Variants in GPC6 observed in about 807,000 individuals in gnomAD.
GPC6 encodes glypican 6, also known as glypican-6.
In GPC6, 14 loss-of-function variants were observed where a neutral mutation model predicts 55.2. The ratio of observed to expected loss-of-function variants is 0.25; its 90% CI spans 0.17 to 0.40. The LOEUF (loss-of-function observed/expected upper bound fraction) is 0.40, where lower values mean the gene tolerates loss of function less well. Among genes scored for constraint, GPC6 ranks in the 10% least tolerant of loss-of-function variants. The pLI is 1.00. For synonymous variants in GPC6, 278 were observed against 259.6 expected, an observed-to-expected ratio of 1.07 and a Z score of -0.68; for missense variants, 641 against 708.5, an observed-to-expected ratio of 0.90 and a Z score of 1.08.
At chr13:94,211,986 T>C (rs1019126099) in intron 4 of GPC6, among the ~76,000 whole-genome samples, 5 of 152,202 alleles carry the variant, frequency 3.3e-5, no homozygotes, top group Non-Finnish European at 7.3e-5. Context: ...GAAGTGAACA[T>C]TAAATTCTCT....
At chr13:93,324,963 C>T (rs1205107152) in intron 1 of GPC6, among the ~76,000 whole-genome samples, 4 of 152,040 alleles carry the variant, frequency 2.6e-5, no homozygotes, top group East Asian at 1.9e-4. Context: ...CTGGAGCCAG[C>T]GTGAAACCTA....
At chr13:93,607,192 C>T (rs892820423) in intron 2 of GPC6, among the ~76,000 whole-genome samples, 6 of 152,068 alleles carry the variant, frequency 3.9e-5, no homozygotes, top group African/African-American at 9.7e-5. Flanking sequence ...AAGTCTTATT[C>T]GGATATGACA....
chr13:94,243,036 A>T (rs2139028082), intron 4 of GPC6, among the ~76,000 whole-genome samples: 1 of 152,146 alleles, frequency 6.6e-6, no homozygotes, highest in Non-Finnish European at 1.5e-5. Flanking sequence ...TATCCAAGAG[A>T]ATTGATCTCC....
intron 2 of GPC6, among the ~76,000 whole-genome samples, chr13:93,563,614 C>T (rs1875926052): frequency 6.6e-6 from 1 of 151,924 alleles, no homozygotes; most frequent in Non-Finnish European, 1.5e-5. Flanking sequence ...GAGACAGGAC[C>T]AACTGGAACT....
At chr13:93,524,642 T>A (rs746393253) in intron 1 of GPC6, among the ~76,000 whole-genome samples, 15 of 152,088 alleles carry the variant, frequency 9.9e-5, no homozygotes, top group Non-Finnish European at 1.6e-4. Context: ...TTTGAGACAC[T>A]ATTGTCAACA....
At chr13:93,824,262 C>G (rs1887156784) in intron 2 of GPC6, among the ~76,000 whole-genome samples, 3 of 152,108 alleles carry the variant, frequency 2.0e-5, no homozygotes, top group Non-Finnish European at 4.4e-5. Flanking sequence ...ATATTAAAAA[C>G]AATACTTGAG....
chr13:93,258,086 C>T (rs997451458), intron 1 of GPC6, among the ~76,000 whole-genome samples: 7 of 152,142 alleles, frequency 4.6e-5, no homozygotes, highest in Non-Finnish European at 1.0e-4. Flanking sequence ...CATCTGAATG[C>T]TCCTCTTCAG....
At chr13:93,871,137 A>G (rs2139037621) in intron 3 of GPC6, among the ~76,000 whole-genome samples, 1 of 152,014 alleles carries the variant, frequency 6.6e-6, no homozygotes, top group South Asian at 2.1e-4. Flanking sequence ...AGTATAGCCG[A>G]CAACACATGC....
chr13:94,156,410 T>C, intron 4 of GPC6, among the ~76,000 whole-genome samples: 1 of 152,124 alleles, frequency 6.6e-6, no homozygotes, highest in Admixed American at 6.6e-5. Flanking sequence ...GAGATAGATA[T>C]AAATATAATA....
chr13:94,121,796 C>T (rs889554000), intron 4 of GPC6, among the ~76,000 whole-genome samples: 12 of 152,060 alleles, frequency 7.9e-5, no homozygotes, highest in Admixed American at 6.6e-4. Context: ...CATTGCACCT[C>T]TCCAGGGTCT....
chr13:94,331,959 A>C (rs1014373768), intron 6 of GPC6, among the ~76,000 whole-genome samples: 1 of 152,294 alleles, frequency 6.6e-6, no homozygotes, highest in South Asian at 2.1e-4. Context: ...TAAGCGATGG[A>C]GAAATCTAAA....
rs556384919 is a variant in GPC6, at chr13:94,373,226, C to T, written c.1153-9188C>T. The stretch of plus-strand genomic sequence containing the variant: ...AAAGCTGGATGGAGAATGACTTTGA[C>T]GAGCTGAGAGAAGAAGGCTTCAGAC... On this transcript the variant is annotated intron_variant, in intron 6 of 8. Transcript: ENST00000377047. 1.6e-4 allele frequency among the ~76,000 whole-genome samples: 25 copies of T among 152,142 alleles called. 1 individual carries two copies. The highest frequency in any genetic ancestry group is 7.8e-4 in the East Asian group (4 of 5,160).
chr13:94,106,913 G>A (rs934053474), intron 4 of GPC6, among the ~76,000 whole-genome samples: 2 of 152,158 alleles, frequency 1.3e-5, no homozygotes, highest in Admixed American at 1.3e-4. Context: ...ACTTTGGAAA[G>A]CATAAGTAGT....
intron 4 of GPC6, among the ~76,000 whole-genome samples, chr13:94,066,083 G>T (rs930260524): frequency 1.2e-4 from 18 of 152,158 alleles, no homozygotes; most frequent in African/African-American, 4.3e-4. Context: ...TTTCTCAGAT[G>T]GTGCTCAGTG....
rs1180354035 is a variant in GPC6 at position 94,185,210 on chromosome 13, C to T, written c.878-101139C>T. 2.1e-5 allele frequency among the ~76,000 whole-genome samples: 3 copies of T among 144,634 alleles called. No homozygotes were observed. In the Admixed American group the frequency reaches 2.1e-4, roughly 10 times the overall value. 94.9% of individuals were successfully genotyped at this position (144,634 alleles called of 152,430 possible). A position where few individuals can be genotyped will look rare whatever the true frequency, so the allele number is the denominator to read the frequency against. On this transcript the variant is annotated intron_variant, in intron 4 of 8. Coordinates refer to ENST00000377047, the MANE Select transcript of GPC6 (RefSeq NM_005708.5). ...GGATACTATGCTTACTACCTGGGTG[C>T]GGTATACCCATGTGACAAACTTGCA...
At chr13:94,169,515 A>T (rs10161800) in intron 4 of GPC6, among the ~76,000 whole-genome samples, 1 of 152,140 alleles carries the variant, frequency 6.6e-6, no homozygotes. Context: ...CTGGAAGATT[A>T]AAAGGACAGT....
intron 4 of GPC6, among the ~76,000 whole-genome samples, chr13:94,074,409 A>T (rs1429183629): frequency 1.3e-5 from 2 of 152,218 alleles, no homozygotes; most frequent in African/African-American, 2.4e-5. Flanking sequence ...CAGATTTCAG[A>T]AATCACATTG....
At chr13:94,323,812 T>A (rs796240925) in intron 6 of GPC6, among the ~76,000 whole-genome samples, 10 of 152,320 alleles carry the variant, frequency 6.6e-5, no homozygotes, top group African/African-American at 2.2e-4. Flanking sequence ...GTAGATTTTT[T>A]AAAAGATTTT....
At chr13:93,873,494 C>A (rs1047406237) in intron 3 of GPC6, among the ~76,000 whole-genome samples, 1 of 151,778 alleles carries the variant, frequency 6.6e-6, no homozygotes, top group South Asian at 2.1e-4. Context: ...TATCTGGAAG[C>A]CTTTTTATAT....
Sources: allele counts gnomAD v4.1 joint callset (sites outside exome capture counted in the v4.1 genomes callset), GRCh38; gene constraint gnomAD v4.1.1; transcripts MANE v1.5; gene names NCBI Gene and HGNC (gene_info 2026-07-23, HGNC 2026-07-21).